AGBL1: variants seen among roughly 807,000 people sequenced by gnomAD.
AGBL1 encodes cytosolic carboxypeptidase 4.
AGBL1 carries 130 observed loss-of-function variants against 118.9 expected under a neutral mutation model. That is an observed-to-expected ratio of 1.09 (90% CI 0.95 to 1.26). The LOEUF (loss-of-function observed/expected upper bound fraction) is 1.26, where lower values mean the gene tolerates loss of function less well. AGBL1 is among the 50% of genes most tolerant of loss of function. AGBL1 has a pLI of 0.00. For missense variants in AGBL1, 1,584 were observed against 1,298.1 expected, an observed-to-expected ratio of 1.22 and a Z score of -3.38; for synonymous variants, 555 against 478.9, an observed-to-expected ratio of 1.16 and a Z score of -2.08.
chr15:86,160,948 G>A (rs1475415990), intron 5 of AGBL1, among the ~76,000 whole-genome samples: 1 of 152,110 alleles, frequency 6.6e-6, no homozygotes, highest in East Asian at 1.9e-4. Flanking sequence ...TGGGGTAGCG[G>A]GGAGAAATCA....
At chr15:86,989,854 T>A (rs1244626461) in intron 24 of AGBL1, among the ~76,000 whole-genome samples, 1 of 152,192 alleles carries the variant, frequency 6.6e-6, no homozygotes, top group African/African-American at 2.4e-5. Flanking sequence ...GGAAGCACTT[T>A]CCAGGCAATG....
intron 22 of AGBL1, among the ~76,000 whole-genome samples, chr15:86,729,360 G>C (rs2077498869): frequency 2.0e-5 from 3 of 152,112 alleles, no homozygotes; most frequent in Non-Finnish European, 1.5e-5. Flanking sequence ...ACTGAGGTTT[G>C]GTGTAAGAAT....
intron 24 of AGBL1, among the ~76,000 whole-genome samples, chr15:87,003,788 A>T (rs1274147105): frequency 1.3e-5 from 2 of 152,116 alleles, no homozygotes; most frequent in African/African-American, 4.8e-5. Flanking sequence ...GTATTCTCTG[A>T]TGGTAGTTTG....
chr15:86,764,525 T>C (rs896337221), intron 22 of AGBL1, among the ~76,000 whole-genome samples: 4 of 152,078 alleles, frequency 2.6e-5, no homozygotes, highest in Non-Finnish European at 5.9e-5. Context: ...ATAGGTTATA[T>C]CTATAAGATG....
At chr15:86,601,482 G>A (rs73461670) in intron 21 of AGBL1, among the ~76,000 whole-genome samples, 2,894 of 152,262 alleles carry the variant, frequency 0.019, 92 homozygotes, top group African/African-American at 0.063. Context: ...GCTAAGCTTT[G>A]ATCAAGCTTC....
intron 24 of AGBL1, among the ~76,000 whole-genome samples, chr15:87,023,278 G>T (rs1032844904): frequency 4.6e-5 from 7 of 151,996 alleles, no homozygotes; most frequent in African/African-American, 1.7e-4. Flanking sequence ...AGTGAAAGGG[G>T]TGAAAAAAGA....
chr15:86,264,171 G>T, intron 10 of AGBL1, 87 bp from the exon 11 acceptor site: 2 of 1,130,980 alleles, frequency 1.8e-6, no homozygotes, highest in Admixed American at 5.6e-5. Context: ...GCTTAGCTCT[G>T]TGCCCAGAGA....
chr15:86,097,128 T>C (rs1896426976), intron 1 of AGBL1, among the ~76,000 whole-genome samples: 1 of 152,178 alleles, frequency 6.6e-6, no homozygotes, highest in Non-Finnish European at 1.5e-5. Context: ...ACTTCAGCTG[T>C]ATTCTAAATG....
intron 22 of AGBL1, among the ~76,000 whole-genome samples, chr15:86,900,634 C>T (rs964642896): frequency 3.3e-5 from 5 of 150,598 alleles, no homozygotes; most frequent in African/African-American, 4.9e-5. Context: ...TATCTTATAT[C>T]GACTATCTTA....
chr15:86,423,065 G>A (rs568255753), intron 18 of AGBL1, among the ~76,000 whole-genome samples: 1 of 152,218 alleles, frequency 6.6e-6, no homozygotes, highest in South Asian at 2.1e-4. Flanking sequence ...GAAAAAGAGG[G>A]ACTCCTCCCT....
intron 18 of AGBL1, among the ~76,000 whole-genome samples, chr15:86,414,955 A>T (rs1352711889): frequency 2.0e-5 from 3 of 152,174 alleles, no homozygotes; most frequent in South Asian, 4.1e-4. Flanking sequence ...AGTCTCCAAG[A>T]TGGAGACTTG....
intron 13 of AGBL1, among the ~76,000 whole-genome samples, chr15:86,267,330 G>C (rs2079090689): frequency 6.6e-6 from 1 of 151,794 alleles, no homozygotes; most frequent in Non-Finnish European, 1.5e-5. Context: ...ATAGCTAAGT[G>C]AGCCATTCAG....
chr15:86,102,039 T>TC (rs1896759097), intron 1 of AGBL1, among the ~76,000 whole-genome samples: 1 of 150,360 alleles, frequency 6.7e-6, no homozygotes. Context: ...TCTCTCTCTC[T>TC]CTTTTTTTTT....
At chr15:86,620,977 C>T (rs2084794497) in intron 21 of AGBL1, among the ~76,000 whole-genome samples, 1 of 149,638 alleles carries the variant, frequency 6.7e-6, no homozygotes, top group Non-Finnish European at 1.5e-5. Context: ...TTTCTACTCT[C>T]ATAGCTATTG....
intron 22 of AGBL1, among the ~76,000 whole-genome samples, chr15:86,858,963 T>C (rs1293278122): frequency 6.6e-6 from 1 of 152,116 alleles, no homozygotes; most frequent in African/African-American, 2.4e-5. Context: ...AATTAGAACC[T>C]CAAAAAAGGC....
chr15:86,858,000 T>C (rs1425942256), intron 22 of AGBL1, among the ~76,000 whole-genome samples: 1 of 152,218 alleles, frequency 6.6e-6, no homozygotes, highest in East Asian at 1.9e-4. Context: ...TTTTTCTTTC[T>C]TTCCAGAATA....
chr15:86,635,700 C>G (rs1329910458), intron 21 of AGBL1, among the ~76,000 whole-genome samples: 6 of 152,064 alleles, frequency 3.9e-5, no homozygotes, highest in African/African-American at 1.4e-4. Flanking sequence ...AAAAAGATTA[C>G]ATATTACAAA....
At chr15:86,548,663 G>GCACA (rs61362688) in intron 20 of AGBL1, among the ~76,000 whole-genome samples, 2,078 of 142,758 alleles carry the variant, frequency 0.015, 26 homozygotes, top group African/African-American at 0.037. Context: ...ACACATGCAC[G>GCACA]CACACACACA....
At chr15:86,400,609 C>G (rs994234290) in intron 18 of AGBL1, among the ~76,000 whole-genome samples, 15 of 145,646 alleles carry the variant, frequency 1.0e-4, no homozygotes, top group African/African-American at 3.8e-4. Context: ...CCCTCACCCC[C>G]CAACTCTTCC....
Sources: gnomAD v4.1 joint callset for allele counts (sites outside exome capture counted in the v4.1 genomes callset) on GRCh38, gnomAD v4.1.1 for gene constraint, MANE v1.5 for transcripts, NCBI Gene and HGNC (gene_info 2026-07-23, HGNC 2026-07-21) for gene names.